The following IKBKE variants were observed in gnomAD, a reference collection of about 807,000 sequenced individuals.
IKBKE encodes the protein inhibitor of nuclear factor kappa-B kinase subunit epsilon.
A neutral mutation model predicts 92.1 loss-of-function variants in IKBKE; 45 were observed. The observed-to-expected ratio is 0.49, with a 90% CI of 0.38 to 0.63. IKBKE has a LOEUF of 0.63. Among genes scored for constraint, IKBKE ranks in the 20% least tolerant of loss-of-function variants. IKBKE has a pLI of 0.00. For synonymous variants in IKBKE, 374 were observed against 380.3 expected (o/e 0.98, Z 0.19); for missense variants, 700 against 932.8 (o/e 0.75, Z 3.25).
Position 206,490,916 on chromosome 1 carries a change from G to A in IKBKE, c.1733+58G>A. The A allele has an allele frequency of 6.6e-7, 1 of 1,504,288 alleles. No individual in the cohort carries two copies. 93.2% of individuals were successfully genotyped at this position (1,504,288 alleles called of 1,614,324 possible). On this transcript the variant is annotated intron_variant, in intron 17 of 21. Coordinates refer to ENST00000581977, the MANE Select transcript of IKBKE (RefSeq NM_014002.4). The surrounding 1 kb of genome is among the most constrained non-coding windows in gnomAD (Gnocchi z 5.2). ...CAGGAGGGTGGGTGTCCTCAGGGCA[G>A]AGCGATTCTCAACGCCAGAGGAGAG...
At chr1:206,477,305 G>C (rs1553385656) in intron 7 of IKBKE, among the ~76,000 whole-genome samples, 1 of 152,168 alleles carries the variant, frequency 6.6e-6, no homozygotes, top group African/African-American at 2.4e-5. Context: ...TGGCTTAGTG[G>C]GAAGGTTGCT....
At position 206,473,210 on chromosome 1, in the gene IKBKE, G is replaced by C. The variant is rs372434573; in HGVS notation, c.-18G>C. Reference sequence around the variant, plus strand: ...TCTTTCTCTAGGCAGAAGGTGACCAGCCAGCTCAGGGCAGGAGATGCAGAG... The same window carrying C: ...TCTTTCTCTAGGCAGAAGGTGACCACCCAGCTCAGGGCAGGAGATGCAGAG... On this transcript the variant is annotated 5_prime_UTR_variant, in exon 3 of 22. Coordinates refer to ENST00000581977, the MANE Select transcript of IKBKE (RefSeq NM_014002.4). 1.9e-6 allele frequency: 3 copies of C among 1,602,068 alleles called. No individual in the cohort carries two copies. The highest frequency in any genetic ancestry group is 2.6e-6 in the Non-Finnish European group (3 of 1,172,012).
At chr1:206,483,075 T>G (rs1553387568) in intron 13 of IKBKE, among the ~76,000 whole-genome samples, 1 of 152,264 alleles carries the variant, frequency 6.6e-6, no homozygotes. Context: ...CCACAGGCAC[T>G]GCTCAGGCAG....
Position 206,474,522 on chromosome 1 carries a change from C to T in IKBKE, c.228+51C>T, listed in dbSNP as rs781930195. The T allele has an allele frequency of 4.6e-6, 7 of 1,538,388 alleles. No homozygotes were observed. The East Asian group carries it at 1.6e-4, about 36-fold the overall frequency. On this transcript the variant is annotated intron_variant, in intron 4 of 21. Coordinates refer to ENST00000581977, the MANE Select transcript of IKBKE (RefSeq NM_014002.4). ...TGGTCTTGTCCTTGACCCTTATGGT[C>T]TGGGGAGAATCAGGCCACATGATAA... is the stretch of plus-strand genomic sequence containing the variant.
chr1:206,483,526 C>G (rs1665507610), intron 13 of IKBKE, among the ~76,000 whole-genome samples: 1 of 152,224 alleles, frequency 6.6e-6, no homozygotes, highest in Admixed American at 6.5e-5. Flanking sequence ...GCCTGCAGTT[C>G]ATTCCTGATT....
At chr1:206,491,132 T>C (rs1665932189) in intron 17 of IKBKE, 2 of 540,766 alleles carry the variant, frequency 3.7e-6, no homozygotes, top group Non-Finnish European at 6.6e-6. Context: ...TTGTCCTCAC[T>C]GATGCACCAC....
chr1:206,473,095 C>T, intron 2 of IKBKE, 101 bp from the exon 3 acceptor site: 1 of 706,586 alleles, frequency 1.4e-6, no homozygotes, highest in Non-Finnish European at 2.5e-6. Flanking sequence ...CACATGGAGC[C>T]CTTCTTAGGG....
chr1:206,491,717 A>G lies in IKBKE; in HGVS notation c.1803A>G (p.Gln601=). The G allele has an allele frequency of 6.2e-7, 1 of 1,613,520 alleles. No individual in the cohort carries two copies. The highest frequency in any genetic ancestry group is 8.5e-7 in the Non-Finnish European group (1 of 1,179,640). ...AGGAGGAGTGCGTGCAGAAGTATCA[A>G]GCGTCCTTAGTCACACACGGCAAGA... The part of the protein sequence containing the change: ...VFQEECVQKY[Q]ASLVTHGKRM... The change falls in exon 18 of 22, where the codon CAA becomes CAG. Residue 601 remains glutamine (Q), a synonymous_variant. Transcript: ENST00000581977.
In IKBKE at chr1:206,478,817, G is replaced by A. The variant is rs1252243945; in HGVS notation, c.993-126G>A. The A allele has an allele frequency of 4.9e-5, 37 of 758,182 alleles. No individual in the cohort carries two copies. The highest frequency in any genetic ancestry group is 3.0e-4 in the South Asian group (20 of 66,182). 47.0% of individuals were successfully genotyped at this position (758,182 alleles called of 1,614,324 possible). The stretch of plus-strand genomic sequence containing the variant: ...CTTGATGACAGAGAAAACCACCCCC[G>A]TCCCTCCCTCTGCAAAACAGAGCCC... On this transcript the variant is annotated intron_variant, in intron 9 of 21. Coordinates refer to ENST00000581977, the MANE Select transcript of IKBKE (RefSeq NM_014002.4). This position sits in a 1 kb window ranked among gnomAD's most constrained non-coding sequence, Gnocchi z 4.8.
intron 21 of IKBKE, among the ~76,000 whole-genome samples, chr1:206,494,296 G>C (rs528282660): frequency 2.6e-4 from 40 of 152,214 alleles, no homozygotes; most frequent in Non-Finnish European, 5.1e-4. Flanking sequence ...AGCTGCCCCA[G>C]ATGCCTCCTT....
In IKBKE at chr1:206,474,336, C is replaced by CGGAG. The variant is rs1664939067; in HGVS notation, c.94_97dup (p.Glu33GlyfsTer26). The CGGAG allele has an allele frequency of 1.9e-6, 3 of 1,612,048 alleles. No individual in the cohort carries two copies. The highest frequency in any genetic ancestry group is 2.5e-6 in the Non-Finnish European group (3 of 1,178,804). On this transcript the variant is annotated frameshift_variant, in exon 4 of 22. Coordinates refer to ENST00000581977, the MANE Select transcript of IKBKE (RefSeq NM_014002.4). LOFTEE classifies it high-confidence loss of function. The stretch of plus-strand genomic sequence containing the variant: ...TGCTCCCTCCCCAATGGCAGAAATC[C>CGGAG]GGAGAGCTGGTTGCTGTGAAGGTCT...
intron 13 of IKBKE, 114 bp downstream of exon 13, chr1:206,480,647 C>A (rs1164450464): frequency 5.1e-6 from 4 of 788,548 alleles, no homozygotes; most frequent in African/African-American, 1.7e-5. Flanking sequence ...TACTGCCTTC[C>A]CTGCCCTCCT....
chr1:206,479,286 C>T (rs565393224), intron 10 of IKBKE, among the ~76,000 whole-genome samples, 153 bp downstream of exon 10: 69 of 152,326 alleles, frequency 4.5e-4, no homozygotes, highest in African/African-American at 1.5e-3. Flanking sequence ...ATTCTGCAGA[C>T]GCCTCTGAGA....
chr1:206,491,276 C>T, intron 17 of IKBKE: 2 of 361,802 alleles, frequency 5.5e-6, no homozygotes, highest in South Asian at 5.6e-5. Context: ...AACTCACTCC[C>T]CCAGTTCTAC....
intron 13 of IKBKE, among the ~76,000 whole-genome samples, chr1:206,483,116 C>G (rs1386201979): frequency 6.6e-6 from 1 of 152,224 alleles, no homozygotes; most frequent in Non-Finnish European, 1.5e-5. Context: ...CCTAGGGCTT[C>G]CCCCAGCCCC....
chr1:206,474,545 T>C, intron 4 of IKBKE, 74 bp downstream of exon 4: 1 of 1,420,370 alleles, frequency 7.0e-7, no homozygotes, highest in Non-Finnish European at 9.6e-7. Context: ...GGCCACATGA[T>C]AACAGAGATT....
chr1:206,488,011 T>C (rs1553389240), intron 16 of IKBKE, 21 bp downstream of exon 16: 2 of 1,563,048 alleles, frequency 1.3e-6, no homozygotes, highest in South Asian at 2.2e-5. Context: ...GGAGGGCAGA[T>C]GCCCCTTCTC....
chr1:206,475,040 G>T, intron 5 of IKBKE, 46 bp downstream of exon 5: 1 of 1,598,560 alleles, frequency 6.3e-7, no homozygotes, highest in Non-Finnish European at 8.6e-7. Flanking sequence ...CCAGCGGCAG[G>T]CCTGGGACAG....
rs782046234 is a variant in IKBKE at position 206,473,269 on chromosome 1, G to C, written c.42G>C (p.Leu14=). The C allele has an allele frequency of 3.4e-5, 55 of 1,613,102 alleles. No individual in the cohort carries two copies. The highest frequency in any genetic ancestry group is 4.6e-5 in the Non-Finnish European group (54 of 1,179,692). ...TANYLWHTDD[L]LGQGATASVY... ...ATTACCTGTGGCACACAGATGACCTGCTGGGGCAGGGGGCCACTGCCAGTG... is the reference window on the plus strand; with the variant it reads ...ATTACCTGTGGCACACAGATGACCTCCTGGGGCAGGGGGCCACTGCCAGTG... Residue 14 remains leucine (L), a synonymous_variant, in exon 3 of 22, where the codon CTG becomes CTC. Coordinates refer to ENST00000581977, the MANE Select transcript of IKBKE (RefSeq NM_014002.4).
Sources: allele counts gnomAD v4.1 joint callset (sites outside exome capture counted in the v4.1 genomes callset), GRCh38; gene constraint gnomAD v4.1.1; non-coding constraint Gnocchi (gnomAD v3.1); transcripts MANE v1.5; gene names NCBI Gene and HGNC (gene_info 2026-07-23, HGNC 2026-07-21).